The following SLC35D4 variants were observed in gnomAD, a reference collection of about 807,000 sequenced individuals.
SLC35D4 encodes the protein UDP-N-acetylglucosamine transporter SLC35D4.
At chr18:23,336,878 A>G in the SLC35D4 span, among the ~76,000 whole-genome samples, 399 of 152,340 alleles carry the variant, frequency 2.6e-3, 1 homozygote, top group South Asian at 7.9e-3. Flanking sequence ...AAAGAAAGAA[A>G]TAACAGCAGT....
the SLC35D4 span, among the ~76,000 whole-genome samples, chr18:23,290,272 A>T: frequency 6.6e-6 from 1 of 152,224 alleles, no homozygotes; most frequent in Non-Finnish European, 1.5e-5. Context: ...GACTTAGAGC[A>T]TCCCAGAGCC....
At chr18:23,248,097 G>T in the SLC35D4 span, among the ~76,000 whole-genome samples, 1 of 152,234 alleles carries the variant, frequency 6.6e-6, no homozygotes, top group Non-Finnish European at 1.5e-5. Flanking sequence ...GGCCTGGCGC[G>T]CTCTGCCACC....
chr18:23,344,035 A>G, the SLC35D4 span, among the ~76,000 whole-genome samples: 1 of 151,712 alleles, frequency 6.6e-6, no homozygotes, highest in Admixed American at 6.6e-5. Flanking sequence ...AGTAGCTGGG[A>G]TTACAGGTGC....
the SLC35D4 span, among the ~76,000 whole-genome samples, chr18:23,254,770 C>A: frequency 6.6e-6 from 1 of 152,176 alleles, no homozygotes; most frequent in Non-Finnish European, 1.5e-5. Context: ...GGCTCTGAAT[C>A]CCTTCACTCC....
the SLC35D4 span, among the ~76,000 whole-genome samples, chr18:23,265,831 G>A: frequency 1.3e-5 from 2 of 151,904 alleles, no homozygotes; most frequent in Non-Finnish European, 2.9e-5. Flanking sequence ...TTTAAAAATC[G>A]TGGCTTCCAG....
At chr18:23,369,467 CCAAGAA>C in the SLC35D4 span, among the ~76,000 whole-genome samples, 1 of 152,152 alleles carries the variant, frequency 6.6e-6, no homozygotes, top group Non-Finnish European at 1.5e-5. Context: ...CTCATTTTGC[CCAAGAA>C]TGAGCTAGTA....
chr18:23,383,517 C>T, the SLC35D4 span, among the ~76,000 whole-genome samples: 5 of 151,842 alleles, frequency 3.3e-5, no homozygotes, highest in South Asian at 2.1e-4. Flanking sequence ...AGGGGAACGG[C>T]GGGGGCAGAA....
At chr18:23,414,339 C>A in the SLC35D4 span, among the ~76,000 whole-genome samples, 923 of 67,594 alleles carry the variant, frequency 0.014, 5 homozygotes, top group East Asian at 0.052. Flanking sequence ...GGAAGGCAGG[C>A]AGGCAGGCAG....
At chr18:23,273,608 C>CTGAA in the SLC35D4 span, among the ~76,000 whole-genome samples, 180 of 151,880 alleles carry the variant, frequency 1.2e-3, no homozygotes, top group South Asian at 5.0e-3. Flanking sequence ...CTGTGACTTC[C>CTGAA]TGAATGAATG....
At chr18:23,247,968 T>C in the SLC35D4 span, among the ~76,000 whole-genome samples, 1 of 152,196 alleles carries the variant, frequency 6.6e-6, no homozygotes, top group Non-Finnish European at 1.5e-5. Flanking sequence ...AGGGCCTAGC[T>C]TGGATTTTTC....
chr18:23,307,256 T>G, the SLC35D4 span, among the ~76,000 whole-genome samples: 2 of 152,250 alleles, frequency 1.3e-5, no homozygotes, highest in African/African-American at 4.8e-5. Flanking sequence ...CATGCATTAC[T>G]CTATTGCTTA....
chr18:23,306,756 A>G, the SLC35D4 span, among the ~76,000 whole-genome samples: 16 of 150,418 alleles, frequency 1.1e-4, no homozygotes, highest in East Asian at 2.3e-3. Context: ...CATGGGGGGG[A>G]AAAATCTGCC....
At chr18:23,248,512 CTTTTTTTTTTTTT>C in the SLC35D4 span, among the ~76,000 whole-genome samples, 3 of 90,714 alleles carry the variant, frequency 3.3e-5, no homozygotes, top group African/African-American at 4.3e-5. Context: ...GACCCTATGT[CTTTTTTTTTTTTT>C]TTTTTTTTTT....
chr18:23,314,150 C>A, the SLC35D4 span, among the ~76,000 whole-genome samples: 3 of 152,352 alleles, frequency 2.0e-5, no homozygotes, highest in East Asian at 5.8e-4. Context: ...CCAGCCTCCA[C>A]AAGAATAGCC....
chr18:23,367,658 T>C, the SLC35D4 span, among the ~76,000 whole-genome samples: 1 of 152,172 alleles, frequency 6.6e-6, no homozygotes, highest in African/African-American at 2.4e-5. Flanking sequence ...CCAAACATCA[T>C]GTGGCAGGTA....
chr18:23,418,353 A>ATTG, the SLC35D4 span, among the ~76,000 whole-genome samples: 2 of 133,250 alleles, frequency 1.5e-5, no homozygotes, highest in Non-Finnish European at 3.0e-5. Flanking sequence ...AGCCAAAATT[A>ATTG]TTATTATTAT....
the SLC35D4 span, among the ~76,000 whole-genome samples, chr18:23,344,062 C>A: frequency 2.0e-5 from 3 of 151,920 alleles, no homozygotes; most frequent in African/African-American, 7.3e-5. Flanking sequence ...CGACGCCCAG[C>A]TAATTTTTGT....
chr18:23,331,795 C>A, the SLC35D4 span, among the ~76,000 whole-genome samples: 1 of 151,748 alleles, frequency 6.6e-6, no homozygotes, highest in East Asian at 1.9e-4. Context: ...GTGAGGATTC[C>A]ATTGTATGGA....
chr18:23,358,461 A>AC, the SLC35D4 span, among the ~76,000 whole-genome samples: 6 of 151,262 alleles, frequency 4.0e-5, no homozygotes, highest in Non-Finnish European at 7.4e-5. Flanking sequence ...AGAAAAAAAA[A>AC]CACAGTCCTC....
Sources: allele counts gnomAD v4.1 joint callset (sites outside exome capture counted in the v4.1 genomes callset), GRCh38; gene constraint gnomAD v4.1.1; transcripts MANE v1.5; gene names NCBI Gene and HGNC (gene_info 2026-07-23, HGNC 2026-07-21).